SMC2: variants seen among roughly 807,000 people sequenced by gnomAD.
SMC2 encodes the protein structural maintenance of chromosomes protein 2.
SMC2 carries 41 observed loss-of-function variants against 142.6 expected under a neutral mutation model. That is an observed-to-expected ratio of 0.29 (90% confidence interval 0.22 to 0.37). SMC2 has a LOEUF of 0.37. Ranked by LOEUF, SMC2 falls within the 10% of genes least tolerant of loss-of-function variation. The pLI is 1.00. For synonymous variants in SMC2, 463 were observed against 457.5 expected (o/e 1.01, Z -0.15); for missense variants, 1,265 against 1,373.7 (o/e 0.92, Z 1.25).
chr9:104,101,917 A>C lies in SMC2; in HGVS notation c.637-43A>C, dbSNP rs777970431. The C allele has an allele frequency of 2.4e-6, 3 of 1,226,678 alleles. No homozygotes were observed. The Admixed American group carries it at 6.8e-5, about 28-fold the overall frequency. 76.0% of individuals were successfully genotyped at this position (1,226,678 alleles called of 1,614,324 possible). A position where few individuals can be genotyped will look rare whatever the true frequency, so the allele number is the denominator to read the frequency against. On this transcript the variant is annotated intron_variant, in intron 7 of 24. Coordinates refer to ENST00000374793, the MANE Select transcript of SMC2 (RefSeq NM_006444.3). The stretch of plus-strand genomic sequence containing the variant: ...TCTTGCATAATTGAATTTTTTTTTT[A>C]ATACAATTTTGAGTTATTCTTTTTT...
At chr9:104,105,057 C>G (rs191671097) in intron 9 of SMC2, among the ~76,000 whole-genome samples, 1 of 152,324 alleles carries the variant, frequency 6.6e-6, no homozygotes, top group East Asian at 1.9e-4. Flanking sequence ...TGTTGGCAAT[C>G]GCATGTATTC....
chr9:104,112,879 C>T (rs41348147), intron 10 of SMC2, among the ~76,000 whole-genome samples: 9,190 of 152,082 alleles, frequency 0.06, 744 homozygotes, highest in African/African-American at 0.19. Flanking sequence ...TATAATCTTA[C>T]GTCTTATTGC....
At chr9:104,099,604 G>C (rs772378520) in intron 4 of SMC2, 40 bp from the exon 5 acceptor site, 2 of 1,308,094 alleles carry the variant, frequency 1.5e-6, no homozygotes, top group African/African-American at 2.9e-5. Flanking sequence ...AACATTTTCT[G>C]TAATTTGTTA....
rs1260357744 is a variant in SMC2, at chr9:104,122,970, T to G, written c.2133-138T>G. 3.9e-5 allele frequency: 32 copies of G among 813,226 alleles called. No individual in the cohort carries two copies. In the East Asian group the frequency reaches 8.2e-4, roughly 21 times the overall value. 50.4% of individuals were successfully genotyped at this position (813,226 alleles called of 1,614,324 possible). A position where few individuals can be genotyped will look rare whatever the true frequency, so the allele number is the denominator to read the frequency against. ...CTCAGAAACTTGAAAGCCGTCAAAA[T>G]TATTCCTGTAACCAGTAGCATCTTA... On this transcript the variant is annotated intron_variant, in intron 16 of 24. Transcript: ENST00000374793.
chr9:104,101,063 G>T (rs887786235), intron 7 of SMC2, among the ~76,000 whole-genome samples: 30 of 152,052 alleles, frequency 2.0e-4, no homozygotes, highest in African/African-American at 7.2e-4. Context: ...TTAGCCTTCT[G>T]AGTAGCTGGG....
rs1389968293 is a variant in SMC2, at chr9:104,096,267, G to A, written c.288G>A (p.Glu96=). The A allele has an allele frequency of 3.1e-6, 5 of 1,614,110 alleles. No individual in the cohort carries two copies. Among genetic ancestry groups the A allele is most frequent in the Admixed American group, 1.7e-5 (1 of 60,032 alleles). ...SDKKQSPLGF[E]VHDEITVTRQ... ...AAAAGCAAAGTCCTTTAGGATTTGAGGTTCATGATGAAATCACAGTAACAA... is the reference window on the plus strand; with the variant it reads ...AAAAGCAAAGTCCTTTAGGATTTGAAGTTCATGATGAAATCACAGTAACAA... Residue 96 remains glutamate, a synonymous_variant, in exon 3 of 25, where the codon GAG becomes GAA. Transcript: ENST00000374793.
At chr9:104,094,177 C>G (rs1587871563), upstream of SMC2, 1 of 390,456 alleles carries the variant, frequency 2.6e-6, no homozygotes, top group Non-Finnish European at 4.5e-6. Context: ...TATCGAGACT[C>G]TCATTCTATT....
At chr9:104,136,847 A>C (rs1183777845) in intron 23 of SMC2, among the ~76,000 whole-genome samples, 1 of 150,250 alleles carries the variant, frequency 6.7e-6, no homozygotes, top group East Asian at 2.0e-4. Context: ...GCCCTATTAG[A>C]ATGCAGCAAG....
chr9:104,117,922 T>C (rs1443641148), intron 14 of SMC2, among the ~76,000 whole-genome samples: 1 of 152,210 alleles, frequency 6.6e-6, no homozygotes, highest in African/African-American at 2.4e-5. Flanking sequence ...ATAGAAACTT[T>C]CATAATGCTC....
intron 7 of SMC2, among the ~76,000 whole-genome samples, chr9:104,100,871 CTG>C (rs1461988665): frequency 2.6e-5 from 4 of 152,292 alleles, no homozygotes; most frequent in African/African-American, 4.8e-5. Context: ...TGGATTGTCT[CTG>C]TAATCTTTGC....
intron 5 of SMC2, among the ~76,000 whole-genome samples, 184 bp downstream of exon 5, chr9:104,099,866 A>G (rs1830917202): frequency 6.6e-6 from 1 of 152,136 alleles, no homozygotes; most frequent in South Asian, 2.1e-4. Flanking sequence ...TTTTGATTGT[A>G]TAAAGGAGTC....
In SMC2 at chr9:104,124,971, T is replaced by C; in HGVS notation, c.2317T>C (p.Tyr773His). The change falls in exon 18 of 25, where the codon TAT becomes CAT. Residue 773 changes from tyrosine to histidine, a missense_variant. Transcript: ENST00000374793. ...AATCCAAAGAAAAGCAGAAGAAAAA[T>C]ATGAAGTATTGGAAAATAAAATGAA... Reference protein sequence around the residue: ...KEIQRKAEEKYEVLENKMKNA... With the variant: ...KEIQRKAEEKHEVLENKMKNA... The C allele has an allele frequency of 6.3e-7, 1 of 1,598,458 alleles. No homozygotes were observed. The highest frequency in any genetic ancestry group is 8.5e-7 in the Non-Finnish European group (1 of 1,176,170).
rs1835038223 is a variant in SMC2 at position 104,132,074 on chromosome 9, A to G, written c.3057A>G (p.Ile1019Met). The G allele has an allele frequency of 6.2e-7, 1 of 1,602,194 alleles. No homozygotes were observed. Among genetic ancestry groups the G allele is most frequent in the Non-Finnish European group, 8.5e-7 (1 of 1,174,562 alleles). ...ENDKSKILTT[I>M]EDLDQKKNQA... ...ACAAATCCAAAATTCTTACAACTAT[A>G]GAAGACCTTGACCAGAAGAAAAACC... The change falls in exon 22 of 25, where the codon ATA becomes ATG. Residue 1019 changes from isoleucine to methionine, a missense_variant. Coordinates refer to ENST00000374793, the MANE Select transcript of SMC2 (RefSeq NM_006444.3).
intron 23 of SMC2, among the ~76,000 whole-genome samples, chr9:104,137,591 G>T (rs1835687315): frequency 6.6e-6 from 1 of 152,140 alleles, no homozygotes; most frequent in South Asian, 2.1e-4. Context: ...TTTACATTAT[G>T]AAAGTTTGAA....
intron 23 of SMC2, among the ~76,000 whole-genome samples, chr9:104,137,586 A>G (rs768789446): frequency 1.2e-4 from 18 of 152,164 alleles, no homozygotes; most frequent in Non-Finnish European, 2.2e-4. Context: ...AAGTGTTTAC[A>G]TTATGAAAGT....
chr9:104,130,694 C>T (rs557737945), intron 21 of SMC2, among the ~76,000 whole-genome samples: 7 of 152,184 alleles, frequency 4.6e-5, no homozygotes, highest in African/African-American at 1.7e-4. Context: ...GAAAATGCTC[C>T]TGCTGGTTTT....
rs1835996021 is a variant in SMC2 at position 104,140,815 on chromosome 9, A to T, written c.*1500A>T. On this transcript the variant is annotated 3_prime_UTR_variant, in exon 25 of 25. Transcript: ENST00000374793. ...TATTAAAGTATACCATAGTATACAA[A>T]TTAGTCAGTACTTGCTGTTAATTTT... 1 of 152,452 alleles carries T rather than the reference A, an allele frequency of 6.6e-6. No homozygotes were observed. The highest frequency in any genetic ancestry group is 2.1e-4 in the South Asian group (1 of 4,838). The allele number at this position is 152,452 out of a possible 1,614,324, so 9.4% of individuals were successfully genotyped here. A position where few individuals can be genotyped will look rare whatever the true frequency, so the allele number is the denominator to read the frequency against.
chr9:104,113,422 TA>T lies in SMC2; in HGVS notation c.1366del (p.Arg456AspfsTer10). 1 of 1,604,976 alleles carries T rather than the reference TA, an allele frequency of 6.2e-7. No homozygotes were observed. Among genetic ancestry groups the T allele is most frequent in the Non-Finnish European group, 8.5e-7 (1 of 1,176,474 alleles). On this transcript the variant is annotated frameshift_variant, in exon 11 of 25. Transcript: ENST00000374793. LOFTEE classifies it high-confidence loss of function. ...AAGGATCAAGAAGCTCTAGAAGCTGTAAAAAGACTTAAAGAAAAACTTGAAG... is the reference window on the plus strand; with the variant it reads ...AAGGATCAAGAAGCTCTAGAAGCTGTAAAAGACTTAAAGAAAAACTTGAAG... ...YRKDQEALEAVKRLKEKLEAE... is the reference protein window; with the variant it reads ...YRKDQEALEAXKRLKEKLEAE...
chr9:104,120,894 T>G (rs935728773), intron 16 of SMC2, among the ~76,000 whole-genome samples: 2 of 152,204 alleles, frequency 1.3e-5, no homozygotes, highest in African/African-American at 2.4e-5. Flanking sequence ...TGCCTTCATC[T>G]AGTTTTTTCT....
Sources: gnomAD v4.1 joint callset for allele counts (sites outside exome capture counted in the v4.1 genomes callset) on GRCh38, gnomAD v4.1.1 for gene constraint, MANE v1.5 for transcripts, NCBI Gene and HGNC (gene_info 2026-07-23, HGNC 2026-07-21) for gene names.